FARP2: variants seen among roughly 807,000 people sequenced by gnomAD.
FARP2 encodes FERM, ARH/RhoGEF and pleckstrin domain protein 2, also known as FERM, ARHGEF and pleckstrin domain-containing protein 2.
A neutral mutation model predicts 130.5 loss-of-function variants in FARP2; 111 were observed. The ratio of observed to expected loss-of-function variants is 0.85; its 90% CI spans 0.73 to 1.00. The LOEUF (loss-of-function observed/expected upper bound fraction) is 1.00. Ranked by LOEUF, FARP2 falls within the 50% of genes least tolerant of loss-of-function variation. The pLI is 0.00. For missense variants in FARP2, 1,385 were observed against 1,346.3 expected, an observed-to-expected ratio of 1.03 and a Z score of -0.45; for synonymous variants, 504 against 516.9, an observed-to-expected ratio of 0.98 and a Z score of 0.34.
chr2:241,421,327 CTGTT>C (rs2062802337), intron 8 of FARP2, among the ~76,000 whole-genome samples: 1 of 152,186 alleles, frequency 6.6e-6, no homozygotes, highest in Non-Finnish European at 1.5e-5. Flanking sequence ...GGTGGGAAAT[CTGTT>C]TGTACAAATC....
intron 12 of FARP2, among the ~76,000 whole-genome samples, chr2:241,438,120 A>G (rs2063290756): frequency 6.6e-6 from 1 of 152,134 alleles, no homozygotes; most frequent in South Asian, 2.1e-4. Flanking sequence ...GAATCTTGCT[A>G]TTTTTATGTA....
At chr2:241,366,308 G>A (rs994817054) in intron 1 of FARP2, among the ~76,000 whole-genome samples, 3 of 151,436 alleles carry the variant, frequency 2.0e-5, no homozygotes, top group Non-Finnish European at 4.4e-5. Flanking sequence ...CCCCACAGAA[G>A]TGTTGAGAAT....
chr2:241,387,842 T>C (rs1305231972), intron 2 of FARP2, among the ~76,000 whole-genome samples: 2 of 131,258 alleles, frequency 1.5e-5, no homozygotes, highest in Non-Finnish European at 3.4e-5. Context: ...GCATTAAAAA[T>C]AATAAAATAC....
At chr2:241,405,889 A>T (rs754292208) in intron 4 of FARP2, among the ~76,000 whole-genome samples, 1 of 152,082 alleles carries the variant, frequency 6.6e-6, no homozygotes, top group Non-Finnish European at 1.5e-5. Context: ...AGCCAAGATG[A>T]CACCACTGCA....
At position 241,441,733 on chromosome 2, in the gene FARP2, C is replaced by T. The variant is rs184574905; in HGVS notation, c.1411+177C>T. ...CTCATTTCCTTCCGGTGGGGAGCAC[C>T]GGTGTGACCGGCAGTGTCGTGGGGG... is the stretch of plus-strand genomic sequence containing the variant. On this transcript the variant is annotated intron_variant, in intron 13 of 26. Coordinates refer to ENST00000264042, the MANE Select transcript of FARP2 (RefSeq NM_014808.4). 93 of 946,654 alleles carry T rather than the reference C, an allele frequency of 9.8e-5. No homozygotes were observed. In the East Asian group the frequency reaches 2.1e-3, roughly 22 times the overall value. The allele number at this position is 946,654 out of a possible 1,614,324, so 58.6% of individuals were successfully genotyped here. A position where few individuals can be genotyped will look rare whatever the true frequency, so the allele number is the denominator to read the frequency against.
chr2:241,452,710 G>T (rs1444952854), intron 13 of FARP2, among the ~76,000 whole-genome samples: 1 of 152,010 alleles, frequency 6.6e-6, no homozygotes, highest in Non-Finnish European at 1.5e-5. Flanking sequence ...GGAGGCCAAG[G>T]CAAGTGGAGC....
At chr2:241,429,284 G>A (rs1389143653) in intron 8 of FARP2, among the ~76,000 whole-genome samples, 1 of 151,770 alleles carries the variant, frequency 6.6e-6, no homozygotes, top group African/African-American at 2.4e-5. Flanking sequence ...TCCAATCTAG[G>A]AGCAAATGCT....
chr2:241,472,305 C>T (rs1218493383), intron 18 of FARP2, among the ~76,000 whole-genome samples: 2 of 148,658 alleles, frequency 1.3e-5, no homozygotes, highest in Admixed American at 1.3e-4. Context: ...TGAAGGAATC[C>T]TGCTTGGATT....
chr2:241,484,462 TG>T (rs1446259529), intron 21 of FARP2, 131 bp downstream of exon 21: 1 of 700,008 alleles, frequency 1.4e-6, no homozygotes, highest in Non-Finnish European at 2.5e-6. Context: ...TTGGCCGCAC[TG>T]GGAGCAGCAC....
At chr2:241,465,329 T>A (rs557072047) in intron 17 of FARP2, 1 of 719,316 alleles carries the variant, frequency 1.4e-6, no homozygotes, top group East Asian at 2.7e-5. Context: ...AGAACATCAT[T>A]CTCAGGACAG....
chr2:241,370,234 A>C (rs923258054), intron 1 of FARP2, among the ~76,000 whole-genome samples: 1 of 152,202 alleles, frequency 6.6e-6, no homozygotes, highest in Non-Finnish European at 1.5e-5. Flanking sequence ...AGGATATCCC[A>C]AATACCCTAA....
chr2:241,493,782 A>G (rs2065023260), intron 26 of FARP2: 2 of 484,372 alleles, frequency 4.1e-6, no homozygotes, highest in Non-Finnish European at 7.3e-6. Context: ...TTTTTAGTAG[A>G]GACAGGGTTT....
In FARP2 at chr2:241,402,880, A is replaced by ATTT. The variant is rs1194888946; in HGVS notation, c.184-919_184-917dup. 1.0e-3 allele frequency among the ~76,000 whole-genome samples: 10 copies of ATTT among 9,728 alleles called. 2 individuals carry two copies. Among genetic ancestry groups the ATTT allele is most frequent in the African/African-American group, 2.1e-3 (4 of 1,934 alleles). The allele number at this position is 9,728 out of a possible 152,430, so 6.4% of individuals were successfully genotyped here. ...TATATATATATATATATATATATAT[A>ATTT]TTTTTTTTTTTTTTTTTTTTTTTTT... On this transcript the variant is annotated intron_variant, in intron 2 of 26. Coordinates refer to ENST00000264042, the MANE Select transcript of FARP2 (RefSeq NM_014808.4).
chr2:241,358,696 C>T (rs35064954), intron 1 of FARP2, among the ~76,000 whole-genome samples: 4,690 of 152,224 alleles, frequency 0.031, 90 homozygotes, highest in Non-Finnish European at 0.044. Flanking sequence ...CAGGCAAAAC[C>T]CCATTGTAGT....
chr2:241,397,300 A>G (rs971259140), intron 2 of FARP2, among the ~76,000 whole-genome samples: 5 of 152,170 alleles, frequency 3.3e-5, no homozygotes, highest in East Asian at 1.9e-4. Context: ...TAACCTGCAC[A>G]TTGTGCACAT....
In FARP2 at chr2:241,413,435, A is replaced by G. The variant is rs1312774219; in HGVS notation, c.623+14A>G. The G allele has an allele frequency of 3.3e-6, 5 of 1,526,116 alleles. No individual in the cohort carries two copies. Among genetic ancestry groups the G allele is most frequent in the East Asian group, 2.3e-5 (1 of 44,408 alleles). The allele number at this position is 1,526,116 out of a possible 1,614,324, so 94.5% of individuals were successfully genotyped here. On this transcript the variant is annotated intron_variant, in intron 7 of 26. Coordinates refer to ENST00000264042, the MANE Select transcript of FARP2 (RefSeq NM_014808.4). Reference sequence around the variant, plus strand: ...TCAGAAGCACGTGTAAGTCATCACAATTGTCTGTCAACACATTGTCACCAC... The same window carrying G: ...TCAGAAGCACGTGTAAGTCATCACAGTTGTCTGTCAACACATTGTCACCAC...
At position 241,493,347 on chromosome 2, in the gene FARP2, A is replaced by C; in HGVS notation, c.2950A>C (p.Arg984=). The C allele has an allele frequency of 6.2e-7, 1 of 1,613,998 alleles. No individual in the cohort carries two copies. The highest frequency in any genetic ancestry group is 8.5e-7 in the Non-Finnish European group (1 of 1,179,984). Reference sequence around the variant, plus strand: ...GCTGGGCTACAGCGTGAGCATCCCCAGGGAGGCCGATGGCATACACAAAGA... The same window carrying C: ...GCTGGGCTACAGCGTGAGCATCCCCCGGGAGGCCGATGGCATACACAAAGA... ...PLLGYSVSIP[R]EADGIHKDYV... Residue 984 remains arginine (R), a synonymous_variant, in exon 26 of 27, where the codon AGG becomes CGG. Coordinates refer to ENST00000264042, the MANE Select transcript of FARP2 (RefSeq NM_014808.4).
At chr2:241,442,588 G>T in intron 13 of FARP2, 1 of 381,972 alleles carries the variant, frequency 2.6e-6, no homozygotes, top group Admixed American at 3.3e-5. Flanking sequence ...GTGGTTTAGA[G>T]CTCAGAATTG....
At chr2:241,439,654 A>C (rs2063332611) in intron 12 of FARP2, among the ~76,000 whole-genome samples, 1 of 152,180 alleles carries the variant, frequency 6.6e-6, no homozygotes, top group African/African-American at 2.4e-5. Context: ...TGTCAAAATA[A>C]GAATCATCTA....
Sources: gnomAD v4.1 joint callset for allele counts (sites outside exome capture counted in the v4.1 genomes callset) on GRCh38, gnomAD v4.1.1 for gene constraint, MANE v1.5 for transcripts, NCBI Gene and HGNC (gene_info 2026-07-23, HGNC 2026-07-21) for gene names.